The following GPR137B variants were observed in gnomAD, a reference collection of about 807,000 sequenced individuals.
GPR137B encodes G protein-coupled receptor 137B, also known as integral membrane protein GPR137B.
A neutral mutation model predicts 42.5 loss-of-function variants in GPR137B; 42 were observed. That is an observed-to-expected ratio of 0.99 (90% CI 0.77 to 1.28). The LOEUF is 1.28. Among genes scored for constraint, GPR137B ranks in the 50% most tolerant of loss-of-function variants. The probability of loss-of-function intolerance (pLI) is 0.00; values close to 1 mark genes in which losing one functional copy is unlikely to be tolerated. For synonymous variants in GPR137B, 218 were observed against 209.7 expected (o/e 1.04, Z -0.34); for missense variants, 487 against 493.9 (o/e 0.99, Z 0.13).
Position 236,156,856 on chromosome 1 carries a change from C to A in GPR137B, c.415-11850C>A, listed in dbSNP as rs1324053964. Among the ~76,000 whole-genome samples, 1 of 152,136 alleles carries A rather than the reference C, an allele frequency of 6.6e-6. No homozygotes were observed. The highest frequency in any genetic ancestry group is 1.5e-5 in the Non-Finnish European group (1 of 68,030). On this transcript the variant is annotated intron_variant, in intron 1 of 6. Coordinates refer to ENST00000366592, the MANE Select transcript of GPR137B (RefSeq NM_003272.4). The surrounding 1 kb of genome is among the most constrained non-coding windows in gnomAD (Gnocchi z 4.8). ...GGACCAGGAGAGCAAATATCGAATG[C>A]GTCAGTGGTTCTTAACCTTTTTCAG...
At position 236,155,590 on chromosome 1, in the gene GPR137B, G is replaced by A. The variant is rs1661999968; in HGVS notation, c.414+12554G>A. Among the ~76,000 whole-genome samples the A allele has an allele frequency of 6.6e-6, 1 of 152,224 alleles. No individual in the cohort carries two copies. Among genetic ancestry groups the A allele is most frequent in the South Asian group, 2.1e-4 (1 of 4,800 alleles). ...CTGCCTGCTGGGCTGACTTATCAAT[G>A]TGGGGGCTCAGGGCCACCCTGAGTT... is the stretch of plus-strand genomic sequence containing the variant. On this transcript the variant is annotated intron_variant, in intron 1 of 6. Transcript: ENST00000366592. The surrounding 1 kb of genome is among the most constrained non-coding windows in gnomAD (Gnocchi z 4.6).
intron 4 of GPR137B, among the ~76,000 whole-genome samples, chr1:236,181,685 A>G (rs1169436527): frequency 6.6e-6 from 1 of 152,152 alleles, no homozygotes; most frequent in Non-Finnish European, 1.5e-5. Flanking sequence ...TTGTAATTAG[A>G]AAGGATTAAA....
At chr1:236,190,657 GCCC>G (rs1368983420) in intron 5 of GPR137B, among the ~76,000 whole-genome samples, 16 of 139,458 alleles carry the variant, frequency 1.1e-4, no homozygotes, top group Non-Finnish European at 2.4e-4. Flanking sequence ...TTGAATATTG[GCCC>G]CCACTCTCTT....
At chr1:236,207,962 A>C in intron 6 of GPR137B, 88 bp from the exon 7 acceptor site, 1 of 922,688 alleles carries the variant, frequency 1.1e-6, no homozygotes, top group Non-Finnish European at 1.7e-6. Flanking sequence ...AGTTTACACA[A>C]AAATCTCAGC....
In GPR137B at chr1:236,155,332, G is replaced by A. The variant is rs1456584783; in HGVS notation, c.414+12296G>A. 7.9e-5 allele frequency among the ~76,000 whole-genome samples: 12 copies of A among 152,178 alleles called. No individual in the cohort carries two copies. Among genetic ancestry groups the A allele is most frequent in the Admixed American group, 7.2e-4 (11 of 15,286 alleles). On this transcript the variant is annotated intron_variant, in intron 1 of 6. Coordinates refer to ENST00000366592, the MANE Select transcript of GPR137B (RefSeq NM_003272.4). The surrounding 1 kb of genome is among the most constrained non-coding windows in gnomAD (Gnocchi z 4.6). ...ATATTTGTCCTAATGCTTTCACCTCGCAGATAGACACTGAGGCCTAGAAAG... is the reference window on the plus strand; with the variant it reads ...ATATTTGTCCTAATGCTTTCACCTCACAGATAGACACTGAGGCCTAGAAAG...
intron 5 of GPR137B, among the ~76,000 whole-genome samples, chr1:236,199,312 G>A (rs2102924076): frequency 6.6e-6 from 1 of 152,186 alleles, no homozygotes; most frequent in South Asian, 2.1e-4. Flanking sequence ...TTAATATTTT[G>A]TTGAGGATTT....
In GPR137B at chr1:236,178,504, G is replaced by A; in HGVS notation, c.555G>A (p.Trp185Ter). ...CTGTGCTGGTAAAGACGGGAAATTG[G>A]GAGAGGAAGGTTATCGTCTCTGTGC... The part of the protein sequence containing the change: ...TCAVLVKTGN[W>*]ERKVIVSVRV... The change falls in exon 3 of 7, where the codon TGG becomes TGA. Residue 185 changes from tryptophan to a stop codon, truncating the protein, a stop_gained. Transcript: ENST00000366592. LOFTEE classifies it high-confidence loss of function. 1.2e-6 allele frequency: 2 copies of A among 1,613,564 alleles called. No homozygotes were observed. The highest frequency in any genetic ancestry group is 8.5e-7 in the Non-Finnish European group (1 of 1,179,668).
At chr1:236,183,164 C>T (rs1416510576) in intron 4 of GPR137B, among the ~76,000 whole-genome samples, 2 of 152,148 alleles carry the variant, frequency 1.3e-5, no homozygotes, top group African/African-American at 4.8e-5. Flanking sequence ...TCTCACTGGG[C>T]CTCATACCAA....
At chr1:236,147,252 A>AG (rs200152852) in intron 1 of GPR137B, among the ~76,000 whole-genome samples, 1,933 of 152,206 alleles carry the variant, frequency 0.013, 14 homozygotes, top group Non-Finnish European at 0.022. Flanking sequence ...CAGGCAGCCC[A>AG]GGGGAGGGGC....
At chr1:236,200,948 G>T (rs1225870937) in intron 5 of GPR137B, among the ~76,000 whole-genome samples, 1 of 151,568 alleles carries the variant, frequency 6.6e-6, no homozygotes, top group Non-Finnish European at 1.5e-5. Context: ...ATGCTTTAAG[G>T]AGGTTCTATT....
chr1:236,175,656 C>G lies in GPR137B; in HGVS notation c.465-2758C>G, dbSNP rs1172097817. Among the ~76,000 whole-genome samples the G allele has an allele frequency of 3.3e-5, 5 of 152,132 alleles. No individual in the cohort carries two copies. The South Asian group carries it at 6.2e-4, about 19-fold the overall frequency. On this transcript the variant is annotated intron_variant, in intron 2 of 6. Transcript: ENST00000366592. The stretch of plus-strand genomic sequence containing the variant: ...TCCACAGCTCCTTTGGCCCATACCC[C>G]CCTCCCCTGATTCCCCCATCACTGA...
rs1189015920 is a variant in GPR137B at position 236,142,884 on chromosome 1, T to G, written c.262T>G (p.Trp88Gly). ...CGTCTTCCTCTTTCTCTGCCTCTTCTGGGCCTCCCTGCGGACCGTCCTCTT... is the reference window on the plus strand; with the variant it reads ...CGTCTTCCTCTTTCTCTGCCTCTTCGGGGCCTCCCTGCGGACCGTCCTCTT... ...QSVFLFLCLF[W>G]ASLRTVLFSF... Residue 88 changes from tryptophan to glycine, a missense_variant, in exon 1 of 7, where the codon TGG (tryptophan) becomes GGG (glycine). By Grantham distance (184) the Trp-to-Gly change is radical (BLOSUM62 -2). Transcript: ENST00000366592. The G allele has an allele frequency of 6.2e-7, 1 of 1,614,106 alleles. No homozygotes were observed. Among genetic ancestry groups the G allele is most frequent in the East Asian group, 2.2e-5 (1 of 44,886 alleles).
chr1:236,178,429 G>A lies in GPR137B; in HGVS notation c.480G>A (p.Leu160=). 1.2e-6 allele frequency: 2 copies of A among 1,613,008 alleles called. No homozygotes were observed. The highest frequency in any genetic ancestry group is 8.5e-7 in the Non-Finnish European group (1 of 1,179,428). Residue 160 remains leucine (L), a synonymous_variant, in exon 3 of 7, where the codon CTG becomes CTA. Transcript: ENST00000366592. The part of the protein sequence containing the change: ...ELLKYRLPLY[L]ASLFISLVFL... ...TGCCTTCCAGGTTGCCCCTCTACCTGGCCTCCCTCTTCATCAGCCTTGTTT... is the reference window on the plus strand; with the variant it reads ...TGCCTTCCAGGTTGCCCCTCTACCTAGCCTCCCTCTTCATCAGCCTTGTTT...
chr1:236,167,717 C>T (rs1250631875), intron 1 of GPR137B, among the ~76,000 whole-genome samples: 4 of 152,208 alleles, frequency 2.6e-5, no homozygotes, highest in Non-Finnish European at 1.5e-5. Context: ...GTAACTGCTC[C>T]ACAGGCTACC....
At chr1:236,194,039 A>G (rs958532415) in intron 5 of GPR137B, among the ~76,000 whole-genome samples, 4 of 152,150 alleles carry the variant, frequency 2.6e-5, no homozygotes, top group African/African-American at 7.2e-5. Context: ...ACTATAATTG[A>G]AATTTTGAAT....
At chr1:236,179,801 G>T (rs1662812071) in intron 3 of GPR137B, 78 bp from the exon 4 acceptor site, 2 of 1,072,968 alleles carry the variant, frequency 1.9e-6, no homozygotes, top group Admixed American at 2.5e-5. Flanking sequence ...TTACCAGACT[G>T]ATAGCAGGTG....
At chr1:236,145,678 A>G (rs1408717173) in intron 1 of GPR137B, among the ~76,000 whole-genome samples, 1 of 151,772 alleles carries the variant, frequency 6.6e-6, no homozygotes, top group African/African-American at 2.4e-5. Flanking sequence ...CTTCTAAGCA[A>G]TTGGTTATAT....
intron 2 of GPR137B, among the ~76,000 whole-genome samples, chr1:236,177,181 G>C (rs1662712382): frequency 6.6e-6 from 1 of 152,152 alleles, no homozygotes; most frequent in South Asian, 2.1e-4. Context: ...ATTCGGATTA[G>C]CCTGAGTAAG....
chr1:236,202,450 T>G (rs532940363), intron 5 of GPR137B, among the ~76,000 whole-genome samples: 1 of 152,104 alleles, frequency 6.6e-6, no homozygotes, highest in Admixed American at 6.5e-5. Context: ...GGCCTGCCGC[T>G]TCTTTCCAAG....
Sources: allele counts gnomAD v4.1 joint callset (sites outside exome capture counted in the v4.1 genomes callset), GRCh38; gene constraint gnomAD v4.1.1; non-coding constraint Gnocchi (gnomAD v3.1); transcripts MANE v1.5; gene names NCBI Gene and HGNC (gene_info 2026-07-23, HGNC 2026-07-21).